TAF4B: variants seen among roughly 807,000 people sequenced by gnomAD.
The protein encoded by TAF4B is transcription initiation factor TFIID subunit 4B.
In TAF4B, 38 loss-of-function variants were observed where a neutral mutation model predicts 86.4. The ratio of observed to expected loss-of-function variants is 0.44; its 90% CI spans 0.34 to 0.58. TAF4B has a LOEUF of 0.58. Ranked by LOEUF, TAF4B falls within the 20% of genes least tolerant of loss-of-function variation. The pLI is 0.02. For missense variants in TAF4B, 988 were observed against 1,027.6 expected (o/e 0.96, Z 0.53); for synonymous variants, 388 against 391.2 (o/e 0.99, Z 0.10).
chr18:26,268,080 C>T (rs2056264915), intron 3 of TAF4B, among the ~76,000 whole-genome samples: 1 of 151,986 alleles, frequency 6.6e-6, no homozygotes, highest in South Asian at 2.1e-4. Flanking sequence ...TTAATTCCTA[C>T]TCTCTGTTCA....
chr18:26,375,701 T>C (rs745755530), intron 14 of TAF4B, among the ~76,000 whole-genome samples: 1 of 152,206 alleles, frequency 6.6e-6, no homozygotes, highest in Non-Finnish European at 1.5e-5. Context: ...CATTTGTACA[T>C]TGACTTTCTA....
intron 7 of TAF4B, among the ~76,000 whole-genome samples, chr18:26,289,682 T>C (rs1053859549): frequency 6.6e-6 from 1 of 152,134 alleles, no homozygotes; most frequent in African/African-American, 2.4e-5. Flanking sequence ...AGAGACGGGG[T>C]TTCGCTGTGT....
chr18:26,363,261 A>T (rs908027027), intron 14 of TAF4B, among the ~76,000 whole-genome samples: 6 of 150,526 alleles, frequency 4.0e-5, no homozygotes, highest in African/African-American at 1.5e-4. Context: ...TTAACTTTAA[A>T]GGCATTTTTG....
chr18:26,297,184 T>C (rs2056674498), intron 9 of TAF4B, among the ~76,000 whole-genome samples: 1 of 151,788 alleles, frequency 6.6e-6, no homozygotes, highest in Non-Finnish European at 1.5e-5. Context: ...AACATTTTAT[T>C]TGGGGAGAAA....
intron 3 of TAF4B, among the ~76,000 whole-genome samples, chr18:26,270,222 A>C (rs774125003): frequency 6.6e-6 from 1 of 152,174 alleles, no homozygotes; most frequent in African/African-American, 2.4e-5. Flanking sequence ...ACTCCATTAC[A>C]CTACTTCTTC....
chr18:26,363,049 A>G (rs908052203), intron 14 of TAF4B, among the ~76,000 whole-genome samples: 1 of 152,146 alleles, frequency 6.6e-6, no homozygotes, highest in Non-Finnish European at 1.5e-5. Flanking sequence ...ATGCCATTTT[A>G]TATCAGGGAC....
chr18:26,344,039 A>G (rs1273813175), intron 13 of TAF4B, among the ~76,000 whole-genome samples: 11 of 152,206 alleles, frequency 7.2e-5, no homozygotes, highest in Admixed American at 2.0e-4. Flanking sequence ...TCTTGAAATG[A>G]TAGGAAAAAT....
intron 14 of TAF4B, among the ~76,000 whole-genome samples, chr18:26,384,276 C>G (rs1978310875): frequency 6.6e-6 from 1 of 152,144 alleles, no homozygotes; most frequent in African/African-American, 2.4e-5. Context: ...GTTAACTGTT[C>G]AGATTCAGGG....
At chr18:26,364,373 A>G (rs1415637086) in intron 14 of TAF4B, among the ~76,000 whole-genome samples, 1 of 152,180 alleles carries the variant, frequency 6.6e-6, no homozygotes, top group African/African-American at 2.4e-5. Flanking sequence ...GAAGTTATAT[A>G]TATGAAATTA....
intron 12 of TAF4B, among the ~76,000 whole-genome samples, chr18:26,332,334 A>T (rs138336193): frequency 8.9e-4 from 135 of 152,264 alleles, no homozygotes; most frequent in African/African-American, 3.1e-3. Context: ...TCTTCTTTCC[A>T]GTCAGTCTCT....
intron 1 of TAF4B, chr18:26,255,875 T>TA: frequency 7.7e-7 from 1 of 1,293,296 alleles, no homozygotes; most frequent in Non-Finnish European, 1.1e-6. Flanking sequence ...ATGTGAGATC[T>TA]AAAAAGGAAA....
chr18:26,322,013 C>T (rs764591839), intron 11 of TAF4B, among the ~76,000 whole-genome samples: 1 of 151,658 alleles, frequency 6.6e-6, no homozygotes, highest in Non-Finnish European at 1.5e-5. Flanking sequence ...TGGAGGAGGG[C>T]GAATATATTG....
intron 9 of TAF4B, among the ~76,000 whole-genome samples, chr18:26,296,209 C>T (rs2056660226): frequency 6.6e-6 from 1 of 151,938 alleles, no homozygotes; most frequent in African/African-American, 2.4e-5. Context: ...TTTTGTCTTG[C>T]AGCACTCTAA....
chr18:26,269,246 T>A (rs2056282869), intron 3 of TAF4B, among the ~76,000 whole-genome samples: 1 of 152,002 alleles, frequency 6.6e-6, no homozygotes, highest in African/African-American at 2.4e-5. Flanking sequence ...TTGTGAGTGA[T>A]GGTAAGTGGG....
chr18:26,293,235 C>T (rs2056617637), intron 8 of TAF4B, among the ~76,000 whole-genome samples, 191 bp from the exon 9 acceptor site: 1 of 152,026 alleles, frequency 6.6e-6, no homozygotes, highest in Admixed American at 6.6e-5. Context: ...TGGAAAGATT[C>T]TTATTTTATA....
At chr18:26,371,309 C>T (rs1567927114) in intron 14 of TAF4B, among the ~76,000 whole-genome samples, 1 of 152,112 alleles carries the variant, frequency 6.6e-6, no homozygotes, top group East Asian at 1.9e-4. Flanking sequence ...AACTGTGGTC[C>T]CCTGTAGCCC....
chr18:26,327,666 G>A (rs966905946), intron 12 of TAF4B, among the ~76,000 whole-genome samples: 2 of 152,324 alleles, frequency 1.3e-5, no homozygotes, highest in Middle Eastern at 3.4e-3. Flanking sequence ...TGCCTCCTGG[G>A]TTTAAGCAGT....
intron 13 of TAF4B, among the ~76,000 whole-genome samples, chr18:26,343,933 C>T (rs1198967317): frequency 1.3e-5 from 2 of 152,120 alleles, no homozygotes; most frequent in Admixed American, 6.5e-5. Flanking sequence ...TAGGAAGAGA[C>T]AATCAACAGA....
At chr18:26,323,062 T>C (rs1267399774) in intron 11 of TAF4B, among the ~76,000 whole-genome samples, 1 of 152,206 alleles carries the variant, frequency 6.6e-6, no homozygotes, top group Non-Finnish European at 1.5e-5. Flanking sequence ...TTGTTGTTGG[T>C]TTCTAGCTGT....
Sources: allele counts gnomAD v4.1 joint callset (sites outside exome capture counted in the v4.1 genomes callset), GRCh38; gene constraint gnomAD v4.1.1; transcripts MANE v1.5; gene names NCBI Gene and HGNC (gene_info 2026-07-23, HGNC 2026-07-21).